The following CNTN5 variants were observed in gnomAD, a reference collection of about 807,000 sequenced individuals.
CNTN5 encodes the protein contactin 5, also known as contactin-5.
In CNTN5, 77 loss-of-function variants were observed where a neutral mutation model predicts 129.1. The ratio of observed to expected loss-of-function variants is 0.60; its 90% CI spans 0.50 to 0.72. The LOEUF is 0.72. CNTN5 is among the 30% of genes least tolerant of loss of function. The probability of loss-of-function intolerance (pLI) is 0.00; values close to 1 mark genes in which losing one functional copy is unlikely to be tolerated. For missense variants in CNTN5, 1,478 were observed against 1,328.8 expected (o/e 1.11, Z -1.75); for synonymous variants, 509 against 465.6 (o/e 1.09, Z -1.20).
At chr11:99,612,909 G>T (rs980283905) in intron 3 of CNTN5, among the ~76,000 whole-genome samples, 2 of 152,138 alleles carry the variant, frequency 1.3e-5, no homozygotes, top group Admixed American at 6.6e-5. Context: ...AAAGAGGAGC[G>T]GGCAAGGAAC....
At chr11:100,062,605 T>C (rs550986026) in intron 10 of CNTN5, among the ~76,000 whole-genome samples, 1 of 152,224 alleles carries the variant, frequency 6.6e-6, no homozygotes, top group East Asian at 1.9e-4. Flanking sequence ...TAAAGGCATG[T>C]GAAGAGGACT....
At chr11:99,664,023 C>T (rs1488089436) in intron 3 of CNTN5, among the ~76,000 whole-genome samples, 1 of 152,094 alleles carries the variant, frequency 6.6e-6, no homozygotes, top group African/African-American at 2.4e-5. Context: ...TTCAAATGCT[C>T]AATACATGGC....
intron 2 of CNTN5, among the ~76,000 whole-genome samples, chr11:99,465,745 G>A (rs533214158): frequency 2.6e-5 from 4 of 152,038 alleles, no homozygotes; most frequent in African/African-American, 4.8e-5. Flanking sequence ...GGTGCCGCAG[G>A]CTGCACAGGA....
intron 18 of CNTN5, among the ~76,000 whole-genome samples, chr11:100,287,769 G>A (rs1034967695): frequency 3.9e-4 from 59 of 152,120 alleles, no homozygotes; most frequent in African/African-American, 1.1e-3. Context: ...ATTAACTTTA[G>A]ATGTAAATGG....
chr11:99,888,184 T>C (rs1948949977), intron 6 of CNTN5, among the ~76,000 whole-genome samples: 1 of 152,220 alleles, frequency 6.6e-6, no homozygotes, highest in African/African-American at 2.4e-5. Context: ...CATCGTTCCA[T>C]GCACTTATCT....
intron 19 of CNTN5, among the ~76,000 whole-genome samples, chr11:100,298,208 G>A (rs1951136798): frequency 6.6e-6 from 1 of 151,366 alleles, no homozygotes; most frequent in South Asian, 2.1e-4. Flanking sequence ...GCAACTCCTT[G>A]ACAATCTCTA....
chr11:100,246,151 T>C (rs550146618), intron 16 of CNTN5, among the ~76,000 whole-genome samples: 106 of 152,252 alleles, frequency 7.0e-4, no homozygotes, highest in African/African-American at 2.5e-3. Context: ...CAGTTTGAGA[T>C]TGATATTGTC....
chr11:99,570,485 G>T (rs548445495), intron 3 of CNTN5, among the ~76,000 whole-genome samples: 129 of 152,144 alleles, frequency 8.5e-4, no homozygotes, highest in Non-Finnish European at 1.6e-3. Flanking sequence ...TGTGTATTGG[G>T]GATAAAGATT....
In CNTN5 at chr11:99,050,776, A is replaced by G. The variant is rs75414915; in HGVS notation, c.-210+29506A>G. Among the ~76,000 whole-genome samples, 12 of 151,976 alleles carry G rather than the reference A, an allele frequency of 7.9e-5. No homozygotes were observed. The East Asian group carries it at 1.9e-3, about 25-fold the overall frequency. ...ATTTTTTTCCTCAACAAATAAACAC[A>G]TAATTGAAAAATTGAATATATGTTT... On this transcript the variant is annotated intron_variant, in intron 1 of 24. Coordinates refer to ENST00000524871, the MANE Select transcript of CNTN5 (RefSeq NM_014361.4).
intron 2 of CNTN5, among the ~76,000 whole-genome samples, chr11:99,393,217 C>T (rs923153696): frequency 2.0e-4 from 30 of 151,782 alleles, no homozygotes; most frequent in African/African-American, 7.2e-4. Flanking sequence ...AGAAACGGCA[C>T]AAACTCAGGT....
intron 2 of CNTN5, among the ~76,000 whole-genome samples, chr11:99,339,887 A>G (rs1487044775): frequency 6.6e-6 from 1 of 151,940 alleles, no homozygotes; most frequent in African/African-American, 2.4e-5. Flanking sequence ...GAGAGCTGGT[A>G]GGATAAAACC....
intron 21 of CNTN5, among the ~76,000 whole-genome samples, chr11:100,317,048 A>AT (rs1951585148): frequency 6.6e-6 from 1 of 152,208 alleles, no homozygotes; most frequent in African/African-American, 2.4e-5. Flanking sequence ...TCAGAAGTTC[A>AT]TTTTAGACAT....
intron 18 of CNTN5, among the ~76,000 whole-genome samples, chr11:100,273,412 C>T (rs1415201347): frequency 6.6e-6 from 1 of 152,132 alleles, no homozygotes; most frequent in Non-Finnish European, 1.5e-5. Flanking sequence ...GTCTGCTCCC[C>T]TTCCCCTGCC....
intron 6 of CNTN5, among the ~76,000 whole-genome samples, chr11:99,875,607 C>G (rs1168066132): frequency 6.6e-6 from 1 of 152,064 alleles, no homozygotes; most frequent in Non-Finnish European, 1.5e-5. Flanking sequence ...CTTCAGCTTC[C>G]TCAGATATAC....
At chr11:99,387,165 C>G (rs540415360) in intron 2 of CNTN5, among the ~76,000 whole-genome samples, 84 of 152,236 alleles carry the variant, frequency 5.5e-4, no homozygotes, top group African/African-American at 2.0e-3. Context: ...TTATATACAT[C>G]TATTTGCCAT....
intron 13 of CNTN5, among the ~76,000 whole-genome samples, chr11:100,100,362 T>A (rs1353284650): frequency 6.6e-6 from 1 of 152,158 alleles, no homozygotes; most frequent in Admixed American, 6.6e-5. Context: ...CTCATATGTC[T>A]CTATACACCC....
intron 15 of CNTN5, among the ~76,000 whole-genome samples, chr11:100,208,639 G>A (rs554402801): frequency 1.3e-5 from 2 of 152,244 alleles, no homozygotes; most frequent in East Asian, 1.9e-4. Flanking sequence ...GCAAAATTTT[G>A]TGGCCATTTT....
intron 8 of CNTN5, among the ~76,000 whole-genome samples, chr11:99,989,518 T>TAA (rs1555172769): frequency 2.0e-5 from 3 of 151,740 alleles, no homozygotes; most frequent in African/African-American, 7.3e-5. Flanking sequence ...GATAGACACA[T>TAA]ACACACACAC....
chr11:99,705,708 G>A (rs1006806641), intron 3 of CNTN5, among the ~76,000 whole-genome samples: 17 of 151,462 alleles, frequency 1.1e-4, no homozygotes, highest in African/African-American at 4.1e-4. Context: ...TAGGACCTGG[G>A]AAGTGTACTT....
Sources: allele counts gnomAD v4.1 joint callset (sites outside exome capture counted in the v4.1 genomes callset), GRCh38; gene constraint gnomAD v4.1.1; transcripts MANE v1.5; gene names NCBI Gene and HGNC (gene_info 2026-07-23, HGNC 2026-07-21).